KCNN1: variants seen among roughly 807,000 people sequenced by gnomAD.
KCNN1 encodes the protein potassium calcium-activated channel subfamily N member 1, also known as small conductance calcium-activated potassium channel protein 1.
KCNN1 carries 20 observed loss-of-function variants against 44.7 expected under a neutral mutation model. That is an observed-to-expected ratio of 0.45 (90% CI 0.32 to 0.65). KCNN1 has a LOEUF of 0.65. Ranked by LOEUF, KCNN1 falls within the 30% of genes least tolerant of loss-of-function variation. The pLI is 0.05. For missense variants in KCNN1, 632 were observed against 785.3 expected (o/e 0.80, Z 2.33); for synonymous variants, 324 against 341.7 (o/e 0.95, Z 0.57).
chr19:17,993,606 C>A lies in KCNN1; in HGVS notation c.1377+47C>A. ...GGGCCAGACAGGGCAGGTGGGGCCC[C>A]GGAGCAGATGGGATGGGGCTCAGCT... On this transcript the variant is annotated intron_variant, in intron 9 of 9. Transcript: ENST00000684775. The surrounding 1 kb of genome is among the most constrained non-coding windows in gnomAD (Gnocchi z 4.5). The A allele has an allele frequency of 6.8e-7, 1 of 1,475,522 alleles. No individual in the cohort carries two copies. 91.4% of individuals were successfully genotyped at this position (1,475,522 alleles called of 1,614,324 possible). A position where few individuals can be genotyped will look rare whatever the true frequency, so the allele number is the denominator to read the frequency against.
chr19:17,966,676 C>A (rs1163157974), upstream of KCNN1, among the ~76,000 whole-genome samples: 1 of 152,184 alleles, frequency 6.6e-6, no homozygotes, highest in Non-Finnish European at 1.5e-5. Flanking sequence ...TTGCAATCAC[C>A]CTAGTCCCCC....
At chr19:17,995,473 A>G (rs956705291) in intron 9 of KCNN1, among the ~76,000 whole-genome samples, 1 of 150,910 alleles carries the variant, frequency 6.6e-6, no homozygotes, top group South Asian at 2.1e-4. Flanking sequence ...CGCACCCAGA[A>G]AAGAATCTTA....
chr19:17,972,987 G>T (rs529351664), intron 1 of KCNN1, among the ~76,000 whole-genome samples: 1 of 152,340 alleles, frequency 6.6e-6, no homozygotes, highest in African/African-American at 2.4e-5. Context: ...AGGTATCAGA[G>T]AAGGATGAAC....
intron 2 of KCNN1, among the ~76,000 whole-genome samples, chr19:17,956,921 G>T (rs1018192949): frequency 2.0e-4 from 30 of 151,686 alleles, no homozygotes; most frequent in African/African-American, 6.3e-4. Context: ...TGTCGGGAGT[G>T]CCTGTAATCC....
In KCNN1 at chr19:17,952,848, C is replaced by G. The variant is rs186657089; in HGVS notation, c.-203+1439C>G. Among the ~76,000 whole-genome samples the G allele has an allele frequency of 5.3e-5, 8 of 152,284 alleles. No homozygotes were observed. In the East Asian group the frequency reaches 1.4e-3, roughly 26 times the overall value. On this transcript the variant is annotated intron_variant, in intron 1 of 10. Transcript: ENST00000222249. ...TTCCCTAAGCTCCCTCCCTTCCCCC[C>G]TCCCCTCTCCCGGACAGGAGGAGGG...
At chr19:17,986,677 T>A (rs2032608998) in intron 5 of KCNN1, among the ~76,000 whole-genome samples, 1 of 152,230 alleles carries the variant, frequency 6.6e-6, no homozygotes, top group African/African-American at 2.4e-5. Flanking sequence ...TTTATGTTTT[T>A]ATAAAGATGG....
rs573975701 is a variant in KCNN1, at chr19:17,973,946, G to A, written c.58G>A (p.Ala20Thr). ...VGRPLGSGPG[A>T]LGRDPPDPEA... ...GCGGCCGCTGGGCAGCGGGCCGGGC[G>A]CCCTGGGACGAGACCCTCCGGACCC... The change falls in exon 2 of 10, where the codon GCC becomes ACC. Residue 20 changes from alanine (A) to threonine (T), a missense_variant. Physicochemically the swap from Ala to Thr is moderately conservative, Grantham distance 58 (BLOSUM62 0). Around this residue, in one of 3 missense-constraint regions of KCNN1, gnomAD observed 235 missense variants for 224.0 expected, o/e 1.05. Coordinates refer to ENST00000684775, the MANE Select transcript of KCNN1 (RefSeq NM_001386974.1). The A allele has an allele frequency of 9.6e-6, 15 of 1,558,282 alleles. No homozygotes were observed. The highest frequency in any genetic ancestry group is 3.9e-5 in the Admixed American group (2 of 51,558).
intron 2 of KCNN1, among the ~76,000 whole-genome samples, chr19:17,959,853 G>A (rs1041247774): frequency 6.6e-6 from 1 of 152,084 alleles, no homozygotes; most frequent in Non-Finnish European, 1.5e-5. Context: ...GGGAGGCTGA[G>A]GTGGGCGGAT....
At chr19:17,956,792 G>A (rs867088467) in intron 2 of KCNN1, among the ~76,000 whole-genome samples, 2 of 151,988 alleles carry the variant, frequency 1.3e-5, no homozygotes, top group Non-Finnish European at 1.5e-5. Context: ...GGTGGCTCAT[G>A]CCTGTAATCC....
intron 3 of KCNN1, 143 bp from the exon 4 acceptor site, chr19:17,981,566 A>G (rs1287635262): frequency 2.9e-6 from 2 of 690,780 alleles, no homozygotes; most frequent in Non-Finnish European, 4.6e-6. Context: ...AAAAAAAAAA[A>G]AAGAAAGAAA....
Position 17,999,770 on chromosome 19 carries a change from G to T in KCNN1, c.*1364G>T. 2.9e-6 allele frequency: 1 copy of T among 342,936 alleles called. No individual in the cohort carries two copies. The highest frequency in any genetic ancestry group is 2.2e-5 in the South Asian group (1 of 46,336). The allele number at this position is 342,936 out of a possible 1,614,324, so 21.2% of individuals were successfully genotyped here. ...AGACGACGCTGTGCATAGCCGAGGAGCCCCAGGTCCTGGCAGCCTCTGATA... is the reference window on the plus strand; with the variant it reads ...AGACGACGCTGTGCATAGCCGAGGATCCCCAGGTCCTGGCAGCCTCTGATA... On this transcript the variant is annotated 3_prime_UTR_variant, in exon 10 of 10. Transcript: ENST00000684775.
intron 1 of KCNN1, chr19:17,954,432 G>C (rs1457341801): frequency 6.6e-6 from 1 of 152,216 alleles, no homozygotes; most frequent in African/African-American, 2.4e-5. Context: ...ACTCCAGCCT[G>C]GGTGACAGAG....
chr19:17,998,252 G>C lies in KCNN1; in HGVS notation c.1478G>C (p.Gly493Ala). Residue 493 changes from glycine (G) to alanine (A), a missense_variant, in exon 10 of 10, where the codon GGT becomes GCT. By Grantham distance (60) the Gly-to-Ala change is moderately conservative. Coordinates refer to ENST00000684775, the MANE Select transcript of KCNN1 (RefSeq NM_001386974.1). The surrounding 1 kb of genome is among the most constrained non-coding windows in gnomAD (Gnocchi z 5.4). ...CTGGAAAGCCGCTTGGATGCGCTGG[G>C]TGCCTCTCTACAGGCCCTGCCTGGC... is the stretch of plus-strand genomic sequence containing the variant. ...ATLESRLDAL[G>A]ASLQALPGLI... 6.4e-7 allele frequency: 1 copy of C among 1,567,520 alleles called. No homozygotes were observed. The highest frequency in any genetic ancestry group is 8.6e-7 in the Non-Finnish European group (1 of 1,159,168).
chr19:17,989,624 G>C (rs982380371), intron 6 of KCNN1, 92 bp from the exon 7 acceptor site: 1 of 1,577,490 alleles, frequency 6.3e-7, no homozygotes. Flanking sequence ...ATTTCCAGAA[G>C]TTTCTAGAGG....
intron 4 of KCNN1, chr19:17,982,462 G>T: frequency 5.2e-6 from 4 of 764,354 alleles, no homozygotes; most frequent in Non-Finnish European, 6.4e-6. Context: ...TGGCCCCGGG[G>T]GGCGCAGGCA....
At chr19:17,981,635 G>C in intron 3 of KCNN1, 74 bp from the exon 4 acceptor site, 1 of 1,363,164 alleles carries the variant, frequency 7.3e-7, no homozygotes, top group East Asian at 2.5e-5. Flanking sequence ...CACTCTCTGG[G>C]GGCGCGGTGG....
rs1187515460 is a variant in KCNN1, at chr19:17,974,263, C to T, written c.375C>T (p.Thr125=). ...GCATCGTCGTCATGGTGACGGAGAC[C>T]GAGCTGTCCTGGGGGGTGTACACCA... ...MFGIVVMVTE[T]ELSWGVYTKE... Residue 125 remains threonine, a synonymous_variant, in exon 2 of 10, where the codon ACC becomes ACT. Coordinates refer to ENST00000684775, the MANE Select transcript of KCNN1 (RefSeq NM_001386974.1). This position sits in a 1 kb window ranked among gnomAD's most constrained non-coding sequence, Gnocchi z 7.3. 5.6e-6 allele frequency: 9 copies of T among 1,595,320 alleles called. No individual in the cohort carries two copies. The highest frequency in any genetic ancestry group is 3.4e-5 in the South Asian group (3 of 88,162).
intron 3 of KCNN1, 41 bp from the exon 4 acceptor site, chr19:17,981,668 G>C (rs759310325): frequency 4.6e-6 from 7 of 1,528,782 alleles, no homozygotes; most frequent in Middle Eastern, 1.8e-4. Context: ...AGCGCGGCGC[G>C]TGTCTGACAC....
At position 17,974,075 on chromosome 19, in the gene KCNN1, C is replaced by A; in HGVS notation, c.187C>A (p.Pro63Thr). 1 of 1,611,556 alleles carries A rather than the reference C, an allele frequency of 6.2e-7. No individual in the cohort carries two copies. The highest frequency in any genetic ancestry group is 8.5e-7 in the Non-Finnish European group (1 of 1,179,754). The change falls in exon 2 of 10, where the codon CCC (proline) becomes ACC (threonine). Residue 63 changes from proline to threonine, a missense_variant. Transcript: ENST00000684775. The surrounding 1 kb of genome is among the most constrained non-coding windows in gnomAD (Gnocchi z 7.3). Reference sequence around the variant, plus strand: ...CTCACCCGGCAGCCCCCGGGGGCAGCCCCAGGACCAGGACGATGACGAGGA... The same window carrying A: ...CTCACCCGGCAGCCCCCGGGGGCAGACCCAGGACCAGGACGATGACGAGGA... ...RPSPGSPRGQPQDQDDDEDDE... is the reference protein window; with the variant it reads ...RPSPGSPRGQTQDQDDDEDDE...
Sources: allele counts gnomAD v4.1 joint callset (sites outside exome capture counted in the v4.1 genomes callset), GRCh38; gene constraint gnomAD v4.1.1; regional missense constraint gnomAD v4.1.1; non-coding constraint Gnocchi (gnomAD v3.1); transcripts MANE v1.5; gene names NCBI Gene and HGNC (gene_info 2026-07-23, HGNC 2026-07-21).